The following DLGAP2 variants were observed in gnomAD, a reference collection of about 807,000 sequenced individuals.
DLGAP2 encodes disks large-associated protein 2.
A neutral mutation model predicts 100.3 loss-of-function variants in DLGAP2; 26 were observed. The ratio of observed to expected loss-of-function variants is 0.26; its 90% CI spans 0.19 to 0.36. The LOEUF is 0.36. DLGAP2 is among the 10% of genes least tolerant of loss of function. DLGAP2 has a pLI of 1.00. For missense variants in DLGAP2, 1,858 were observed against 1,453.2 expected (o/e 1.28, Z -4.53); for synonymous variants, 886 against 630.1 (o/e 1.41, Z -6.08).
At chr8:989,319 C>T (rs984306329) in intron 2 of DLGAP2, among the ~76,000 whole-genome samples, 3 of 152,302 alleles carry the variant, frequency 2.0e-5, no homozygotes, top group South Asian at 4.1e-4. Flanking sequence ...GACGGCTGCT[C>T]TCCCAGGGCC....
intron 2 of DLGAP2, among the ~76,000 whole-genome samples, chr8:1,258,385 T>C (rs1200226836): frequency 6.8e-6 from 1 of 146,502 alleles, no homozygotes; most frequent in East Asian, 2.0e-4. Flanking sequence ...AGTTGAACAA[T>C]GAGAACACAT....
At chr8:856,151 AAAG>A (rs753732248) in intron 1 of DLGAP2, among the ~76,000 whole-genome samples, 1 of 150,114 alleles carries the variant, frequency 6.7e-6, no homozygotes, top group African/African-American at 2.4e-5. Flanking sequence ...AGAAGATCCC[AAAG>A]AAGAATTAGT....
intron 2 of DLGAP2, among the ~76,000 whole-genome samples, chr8:1,071,215 T>A (rs1803419710): frequency 6.6e-6 from 1 of 152,236 alleles, no homozygotes. Context: ...TGTGTGATGA[T>A]AAAAACTGTA....
intron 6 of DLGAP2, among the ~76,000 whole-genome samples, chr8:1,620,950 G>C (rs751342292): frequency 6.6e-6 from 1 of 152,058 alleles, no homozygotes; most frequent in South Asian, 2.1e-4. Context: ...TTTACCCTCT[G>C]CTCTCCAGAC....
chr8:973,299 T>G (rs565707030), intron 2 of DLGAP2, among the ~76,000 whole-genome samples: 66 of 146,656 alleles, frequency 4.5e-4, no homozygotes, highest in Non-Finnish European at 7.0e-4. Flanking sequence ...GCGGGGGCTG[T>G]CCCCCCACCT....
chr8:1,275,077 A>T (rs1488183215), intron 3 of DLGAP2, among the ~76,000 whole-genome samples: 2 of 152,196 alleles, frequency 1.3e-5, no homozygotes, highest in Non-Finnish European at 2.9e-5. Flanking sequence ...CAGCCCAGGC[A>T]GAGAGGATCC....
chr8:1,200,946 T>C (rs944148627), intron 2 of DLGAP2, among the ~76,000 whole-genome samples: 3 of 152,202 alleles, frequency 2.0e-5, no homozygotes, highest in South Asian at 4.1e-4. Flanking sequence ...CAGGAGCGTG[T>C]TGTGCACGGC....
At chr8:1,337,414 G>C (rs141537046) in intron 3 of DLGAP2, among the ~76,000 whole-genome samples, 1 of 152 alleles carries the variant, frequency 6.6e-3, no homozygotes, top group Non-Finnish European at 0.013. Context: ...GATGGTGATG[G>C]TGAGGATGAT....
At chr8:1,276,363 G>A (rs998860736) in intron 3 of DLGAP2, among the ~76,000 whole-genome samples, 7 of 152,096 alleles carry the variant, frequency 4.6e-5, no homozygotes, top group East Asian at 3.9e-4. Context: ...GTAGATTCGC[G>A]TCGGGCACTA....
At chr8:1,672,244 T>G (rs1008838253) in intron 10 of DLGAP2, among the ~76,000 whole-genome samples, 7 of 151,114 alleles carry the variant, frequency 4.6e-5, no homozygotes, top group African/African-American at 7.3e-5. Flanking sequence ...TTTTTTTTTT[T>G]GAGATGGAGT....
intron 3 of DLGAP2, among the ~76,000 whole-genome samples, chr8:1,489,474 G>A (rs973071685): frequency 9.2e-5 from 14 of 152,208 alleles, no homozygotes; most frequent in East Asian, 1.9e-4. Flanking sequence ...GAAGCTGTAC[G>A]TCTTTACCAC....
chr8:1,240,052 G>A (rs62487808), intron 2 of DLGAP2, among the ~76,000 whole-genome samples: 82,293 of 129,662 alleles, frequency 0.63, 21,729 homozygotes, highest in Middle Eastern at 0.69. Flanking sequence ...TCTCTCACAT[G>A]GCGCCGTGTC....
intron 4 of DLGAP2, among the ~76,000 whole-genome samples, chr8:1,542,061 GAGA>G (rs1487061720): frequency 6.6e-6 from 1 of 152,204 alleles, no homozygotes; most frequent in East Asian, 1.9e-4. Context: ...TTGTTCTGTG[GAGA>G]AGGAGGAGAT....
intron 3 of DLGAP2, among the ~76,000 whole-genome samples, chr8:1,274,535 G>T (rs544972812): frequency 2.0e-5 from 3 of 149,728 alleles, no homozygotes; most frequent in East Asian, 4.0e-4. Context: ...TAAAATGAGT[G>T]ACTTTGGATT....
chr8:1,176,736 C>G (rs976048938), intron 2 of DLGAP2, among the ~76,000 whole-genome samples: 19 of 152,046 alleles, frequency 1.2e-4, no homozygotes, highest in African/African-American at 4.6e-4. Context: ...CAGGTGCAGC[C>G]CCGTCTGCTG....
intron 2 of DLGAP2, among the ~76,000 whole-genome samples, chr8:980,746 C>CA (rs1800307917): frequency 6.6e-6 from 1 of 151,912 alleles, no homozygotes. Flanking sequence ...GCTGAGGAGA[C>CA]AGAGATGCAG....
At chr8:1,558,942 A>G (rs988991811) in intron 5 of DLGAP2, among the ~76,000 whole-genome samples, 2 of 152,218 alleles carry the variant, frequency 1.3e-5, no homozygotes, top group African/African-American at 2.4e-5. Flanking sequence ...ACGCACAGCA[A>G]TGGACGATAA....
At chr8:1,303,009 A>G (rs879507777) in intron 3 of DLGAP2, among the ~76,000 whole-genome samples, 1 of 152,206 alleles carries the variant, frequency 6.6e-6, no homozygotes, top group Non-Finnish European at 1.5e-5. Flanking sequence ...GGCTGTGAGG[A>G]TGGGCCTTCG....
chr8:1,496,522 G>A (rs1384767981), intron 3 of DLGAP2, among the ~76,000 whole-genome samples: 2 of 152,158 alleles, frequency 1.3e-5, no homozygotes, highest in Non-Finnish European at 2.9e-5. Context: ...TCCCTTCCAG[G>A]AAGTGTGAGC....
Sources: allele counts gnomAD v4.1 joint callset (sites outside exome capture counted in the v4.1 genomes callset), GRCh38; gene constraint gnomAD v4.1.1; transcripts MANE v1.5; gene names NCBI Gene and HGNC (gene_info 2026-07-23, HGNC 2026-07-21).